Variants in USP31 observed in about 807,000 individuals in gnomAD.
USP31 encodes the protein ubiquitin carboxyl-terminal hydrolase 31.
A neutral mutation model predicts 119.4 loss-of-function variants in USP31; 44 were observed. The observed-to-expected ratio is 0.37, with a 90% CI of 0.29 to 0.47. The LOEUF (loss-of-function observed/expected upper bound fraction) is 0.47. Ranked by LOEUF, USP31 falls within the 20% of genes least tolerant of loss-of-function variation. The pLI, the probability that USP31 is intolerant of heterozygous loss-of-function variation, is 0.99. For synonymous variants in USP31, 749 were observed against 705.6 expected, an observed-to-expected ratio of 1.06 and a Z score of -0.97; for missense variants, 1,643 against 1,730.2, an observed-to-expected ratio of 0.95 and a Z score of 0.89.
Position 23,067,850 on chromosome 16 carries a change from A to G in USP31, c.*196T>C, listed in dbSNP as rs572769958. 286 of 644,028 alleles carry G rather than the reference A, an allele frequency of 4.4e-4. 1 individual carries two copies. In the African/African-American group the frequency reaches 5.1e-3, roughly 12 times the overall value. The allele number at this position is 644,028 out of a possible 1,614,324, so 39.9% of individuals were successfully genotyped here. On this transcript the variant is annotated 3_prime_UTR_variant, in exon 16 of 16. Coordinates refer to ENST00000219689, the MANE Select transcript of USP31 (RefSeq NM_020718.4). ...TTGCCTATGGCTGTTATTTGGTTCA[A>G]TGGCAGAATAAGGCGACGCTTTGAA...
chr16:23,107,347 T>A (rs749212653), intron 2 of USP31, among the ~76,000 whole-genome samples: 2 of 152,132 alleles, frequency 1.3e-5, no homozygotes, highest in African/African-American at 4.8e-5. Context: ...GATGTCTCAA[T>A]TTGGTGGGAG....
chr16:23,118,058 G>C (rs1902553769), intron 1 of USP31, among the ~76,000 whole-genome samples: 1 of 152,076 alleles, frequency 6.6e-6, no homozygotes, highest in African/African-American at 2.4e-5. Context: ...CAAAGTGCTG[G>C]GATTACAGGT....
intron 1 of USP31, among the ~76,000 whole-genome samples, chr16:23,132,359 G>C (rs1361742491): frequency 6.9e-6 from 1 of 145,546 alleles, no homozygotes; most frequent in Non-Finnish European, 1.5e-5. Context: ...TGGAAACTAT[G>C]AGGTCATTGT....
At chr16:23,071,982 G>A (rs752283988) in intron 15 of USP31, 63 bp downstream of exon 15, 72 of 1,548,076 alleles carry the variant, frequency 4.7e-5, no homozygotes, top group Non-Finnish European at 5.7e-5. Flanking sequence ...GGAAAAACAC[G>A]AGGGACTCTG....
chr16:23,130,951 TTTAA>T (rs939930547), intron 1 of USP31, among the ~76,000 whole-genome samples: 1 of 152,202 alleles, frequency 6.6e-6, no homozygotes, highest in African/African-American at 2.4e-5. Flanking sequence ...AGCTGTTAAT[TTTAA>T]TTAAAGATCT....
At chr16:23,092,129 T>C (rs767023510) in intron 6 of USP31, among the ~76,000 whole-genome samples, 2 of 152,192 alleles carry the variant, frequency 1.3e-5, no homozygotes, top group Non-Finnish European at 2.9e-5. Flanking sequence ...AGTCTCAGCT[T>C]CCTCACCAGT....
chr16:23,096,645 C>T (rs1253136499), intron 6 of USP31, among the ~76,000 whole-genome samples: 1 of 152,184 alleles, frequency 6.6e-6, no homozygotes, highest in East Asian at 1.9e-4. Flanking sequence ...AAACTTGTCT[C>T]TCAGACCACA....
chr16:23,079,975 T>C lies in USP31; in HGVS notation c.2147A>G (p.His716Arg), dbSNP rs775972538. The C allele has an allele frequency of 2.5e-6, 4 of 1,613,670 alleles. No individual in the cohort carries two copies. The highest frequency in any genetic ancestry group is 2.2e-5 in the South Asian group (2 of 91,014). The change falls in exon 13 of 16, where the codon CAT becomes CGT. Residue 716 changes from histidine (H) to arginine (R), a missense_variant. By Grantham distance (29) the His-to-Arg change is conservative (BLOSUM62 0). Around this residue, in one of 5 missense-constraint regions of USP31, gnomAD observed 279 missense variants for 372.2 expected, o/e 0.75. Transcript: ENST00000219689. The stretch of plus-strand genomic sequence containing the variant: ...GTAGTGCCCCCCTTGCATGGTGCCA[T>C]GGTGATTGCACACAGCATACAGGTC... ...IYDLYAVCNH[H>R]GTMQGGHYTA... is the part of the protein sequence containing the mutation.
chr16:23,086,090 C>A (rs1450396634), intron 9 of USP31, among the ~76,000 whole-genome samples: 1 of 152,186 alleles, frequency 6.6e-6, no homozygotes, highest in Non-Finnish European at 1.5e-5. Context: ...CTCTAGACTG[C>A]ACCCTTCTTC....
intron 1 of USP31, among the ~76,000 whole-genome samples, chr16:23,111,693 G>T (rs995909000): frequency 3.3e-5 from 5 of 152,160 alleles, no homozygotes; most frequent in African/African-American, 1.2e-4. Flanking sequence ...AGGACAGAAT[G>T]CAGAGGTAAC....
rs1903285331 is a variant in USP31 at position 23,139,364 on chromosome 16, T to C, written c.633+9274A>G. The stretch of plus-strand genomic sequence containing the variant: ...TTGCAGTGAGCCGAGATCACGCTAA[T>C]CACACCACTGCACTGCAGCCTGGGC... On this transcript the variant is annotated intron_variant, in intron 1 of 15. Coordinates refer to ENST00000219689, the MANE Select transcript of USP31 (RefSeq NM_020718.4). Among the ~76,000 whole-genome samples the C allele has an allele frequency of 2.6e-5, 4 of 152,170 alleles. No individual in the cohort carries two copies. The South Asian group carries it at 8.3e-4, about 31-fold the overall frequency.
intron 13 of USP31, 141 bp downstream of exon 13, chr16:23,079,805 C>T: frequency 2.7e-6 from 2 of 733,480 alleles, no homozygotes; most frequent in South Asian, 4.6e-5. Flanking sequence ...GGGCAGAGAT[C>T]CAGAGGATGG....
In USP31 at chr16:23,145,823, T is replaced by C. The variant is rs996113427; in HGVS notation, c.633+2815A>G. 2.0e-5 allele frequency among the ~76,000 whole-genome samples: 3 copies of C among 152,204 alleles called. No homozygotes were observed. The East Asian group carries it at 5.8e-4, about 29-fold the overall frequency. On this transcript the variant is annotated intron_variant, in intron 1 of 15. Coordinates refer to ENST00000219689, the MANE Select transcript of USP31 (RefSeq NM_020718.4). The stretch of plus-strand genomic sequence containing the variant: ...GTTTTCATTGCTTAAGGCACTATCA[T>C]TAGGGATTTTCCTTTCTTGGGCTGA...
chr16:23,142,032 G>A (rs543944259), intron 1 of USP31, among the ~76,000 whole-genome samples: 8 of 152,124 alleles, frequency 5.3e-5, no homozygotes, highest in Admixed American at 2.6e-4. Flanking sequence ...GTTCTCTGAC[G>A]GCATGAACCT....
intron 1 of USP31, among the ~76,000 whole-genome samples, chr16:23,121,226 C>T (rs574217910): frequency 6.6e-6 from 1 of 152,292 alleles, no homozygotes; most frequent in East Asian, 1.9e-4. Context: ...GCCTGAGACG[C>T]TTGCAAGTCA....
chr16:23,131,053 T>C (rs534578618), intron 1 of USP31, among the ~76,000 whole-genome samples: 103 of 152,332 alleles, frequency 6.8e-4, no homozygotes, highest in African/African-American at 2.5e-3. Context: ...CTCACACTTG[T>C]AATCCCAGCA....
At chr16:23,107,229 T>C (rs941040925) in intron 2 of USP31, among the ~76,000 whole-genome samples, 11 of 152,218 alleles carry the variant, frequency 7.2e-5, no homozygotes, top group African/African-American at 2.7e-4. Flanking sequence ...TAACTTTTCA[T>C]GTCCCTCCGC....
At chr16:23,141,186 T>A (rs1348712113) in intron 1 of USP31, among the ~76,000 whole-genome samples, 1 of 152,204 alleles carries the variant, frequency 6.6e-6, no homozygotes, top group Non-Finnish European at 1.5e-5. Context: ...TCTGCCTACC[T>A]GGCCCCTGCC....
At position 23,064,461 on chromosome 16, in the gene USP31, C is replaced by T. The variant is rs551481192; in HGVS notation, c.*3585G>A. The T allele has an allele frequency of 3.9e-5, 6 of 152,212 alleles. No individual in the cohort carries two copies. Among genetic ancestry groups the T allele is most frequent in the African/African-American group, 9.6e-5 (4 of 41,524 alleles). The allele number at this position is 152,212 out of a possible 1,614,324, so 9.4% of individuals were successfully genotyped here. On this transcript the variant is annotated 3_prime_UTR_variant, in exon 16 of 16. Coordinates refer to ENST00000219689, the MANE Select transcript of USP31 (RefSeq NM_020718.4). ...CAATGTTCCCCTCAAATCCCACATCCGTCTCATACAAACATAAGATGACCC... is the reference window on the plus strand; with the variant it reads ...CAATGTTCCCCTCAAATCCCACATCTGTCTCATACAAACATAAGATGACCC...
Sources: gnomAD v4.1 joint callset for allele counts (sites outside exome capture counted in the v4.1 genomes callset) on GRCh38, gnomAD v4.1.1 for gene constraint, gnomAD v4.1.1 regional missense constraint, MANE v1.5 for transcripts, NCBI Gene and HGNC (gene_info 2026-07-23, HGNC 2026-07-21) for gene names.